The following STX2 variants were observed in gnomAD, a reference collection of about 807,000 sequenced individuals.
STX2 encodes the protein syntaxin 2.
In STX2, 27 loss-of-function variants were observed where a neutral mutation model predicts 40.6. The ratio of observed to expected loss-of-function variants is 0.66; its 90% CI spans 0.49 to 0.92. The LOEUF (loss-of-function observed/expected upper bound fraction) is 0.92. Among genes scored for constraint, STX2 ranks in the 40% least tolerant of loss-of-function variants. STX2 has a pLI of 0.00. For missense variants in STX2, 328 were observed against 366.1 expected (o/e 0.90, Z 0.85); for synonymous variants, 123 against 119.1 (o/e 1.03, Z -0.22).
In STX2 at chr12:130,821,696, C is replaced by T. The variant is rs138400487; in HGVS notation, c.198G>A (p.Pro66=). 36 of 1,613,434 alleles carry T rather than the reference C, an allele frequency of 2.2e-5. No homozygotes were observed. In the African/African-American group the frequency reaches 3.6e-4, roughly 16 times the overall value. The change falls in exon 3 of 11, where the codon CCG becomes CCA. Residue 66 remains proline (P), a synonymous_variant. Coordinates refer to ENST00000392373, the MANE Select transcript of STX2 (RefSeq NM_194356.4). ...NHSIILSAPN[P]EGKIKEELED... is the part of the protein sequence containing the mutation. Reference sequence around the variant, plus strand: ...TGAAAACCAACAACTTACTTCCTTCCGGGTTTGGTGCAGAAAGAATGATGC... The same window carrying T: ...TGAAAACCAACAACTTACTTCCTTCTGGGTTTGGTGCAGAAAGAATGATGC...
intron 4 of STX2, chr12:130,812,377 T>TGGA (rs1453849911): frequency 6.6e-6 from 3 of 454,434 alleles, no homozygotes; most frequent in African/African-American, 4.0e-5. Flanking sequence ...TGGGAGCTCA[T>TGGA]GGAGAACTGT....
chr12:130,818,402 G>C (rs1177469148), intron 3 of STX2, among the ~76,000 whole-genome samples: 1 of 151,040 alleles, frequency 6.6e-6, no homozygotes, highest in Non-Finnish European at 1.5e-5. Context: ...GGGCGGGGGA[G>C]GAAGAATCAC....
chr12:130,807,384 C>T (rs1951476409), intron 5 of STX2, among the ~76,000 whole-genome samples: 1 of 152,232 alleles, frequency 6.6e-6, no homozygotes, highest in African/African-American at 2.4e-5. Flanking sequence ...CAGATCAGCA[C>T]TGGGACCCAG....
chr12:130,826,691 A>G (rs950747999), intron 2 of STX2, among the ~76,000 whole-genome samples: 70 of 152,300 alleles, frequency 4.6e-4, no homozygotes, highest in African/African-American at 1.5e-3. Context: ...GCACAATCAT[A>G]TTGATATAAA....
At chr12:130,819,797 CG>C (rs1593168197) in intron 3 of STX2, among the ~76,000 whole-genome samples, 1 of 152,292 alleles carries the variant, frequency 6.6e-6, no homozygotes, top group Non-Finnish European at 1.5e-5. Flanking sequence ...GATTATTCTA[CG>C]GGTACTGCAA....
intron 9 of STX2, among the ~76,000 whole-genome samples, chr12:130,798,208 T>C (rs1222377900): frequency 2.0e-5 from 3 of 148,230 alleles, no homozygotes; most frequent in African/African-American, 7.5e-5. Context: ...GATCACTCCA[T>C]TGCACTCTAC....
chr12:130,827,282 GGAAAA>G lies in STX2; in HGVS notation c.31-20_31-16del. On this transcript the variant is annotated splice_polypyrimidine_tract_variant and intron_variant, in intron 1 of 10. Coordinates refer to ENST00000392373, the MANE Select transcript of STX2 (RefSeq NM_194356.4). ...TTCTTCCTACACTACAATGAAAAAT[GGAAAA>G]TTCAGTTTTTTAAAATTTTTATGTA... The G allele has an allele frequency of 6.2e-7, 1 of 1,610,072 alleles. No homozygotes were observed. The highest frequency in any genetic ancestry group is 8.5e-7 in the Non-Finnish European group (1 of 1,177,172).
chr12:130,801,041 G>A (rs893026778), intron 8 of STX2, 112 bp downstream of exon 8: 1 of 1,265,626 alleles, frequency 7.9e-7, no homozygotes, highest in Non-Finnish European at 1.1e-6. Flanking sequence ...CCTGAATTTG[G>A]TGGATCCAAA....
intron 2 of STX2, among the ~76,000 whole-genome samples, chr12:130,822,948 C>G (rs540558706): frequency 6.6e-6 from 1 of 152,348 alleles, no homozygotes; most frequent in African/African-American, 2.4e-5. Flanking sequence ...ACAGAAGCAG[C>G]AAGGTGAGCC....
chr12:130,803,682 AAAAAAAAC>A (rs1205065588), intron 6 of STX2, among the ~76,000 whole-genome samples: 1 of 127,946 alleles, frequency 7.8e-6, no homozygotes. Flanking sequence ...AAAAAAAAAA[AAAAAAAAC>A]AAACTAAAAG....
chr12:130,813,960 C>T (rs933742433), intron 3 of STX2, among the ~76,000 whole-genome samples: 5 of 152,224 alleles, frequency 3.3e-5, no homozygotes, highest in Non-Finnish European at 5.9e-5. Flanking sequence ...CCGTAGACAA[C>T]TTGGCCAAGA....
intron 10 of STX2, among the ~76,000 whole-genome samples, 171 bp from the exon 11 acceptor site, chr12:130,792,148 C>A (rs547720510): frequency 6.6e-6 from 1 of 152,314 alleles, no homozygotes; most frequent in South Asian, 2.1e-4. Context: ...GCAACCTCTG[C>A]CTTCCGGGTT....
At chr12:130,832,291 T>C (rs528828050) in intron 1 of STX2, among the ~76,000 whole-genome samples, 11 of 152,134 alleles carry the variant, frequency 7.2e-5, no homozygotes, top group South Asian at 4.2e-4. Flanking sequence ...ATACACTCCA[T>C]TATATAAACA....
In STX2 at chr12:130,791,938, C is replaced by G; in HGVS notation, c.*85G>C. ...GTTGCTAGGATAATTCCAAGGATCA[C>G]AAGCAAAACAATTACACAAATAATA... On this transcript the variant is annotated 3_prime_UTR_variant, in exon 11 of 11. Coordinates refer to ENST00000392373, the MANE Select transcript of STX2 (RefSeq NM_194356.4). 2 of 1,610,392 alleles carry G rather than the reference C, an allele frequency of 1.2e-6. No individual in the cohort carries two copies. The highest frequency in any genetic ancestry group is 1.1e-5 in the South Asian group (1 of 90,436).
Position 130,839,141 on chromosome 12 carries a change from C to A in STX2, c.-42G>T. 1 of 1,187,066 alleles carries A rather than the reference C, an allele frequency of 8.4e-7. No individual in the cohort carries two copies. The highest frequency in any genetic ancestry group is 1.0e-6 in the Non-Finnish European group (1 of 958,414). The allele number at this position is 1,187,066 out of a possible 1,614,324, so 73.5% of individuals were successfully genotyped here. ...GCGCGCCCCGCCGCTCAAGCCTGTCCCGAGCTGCCTCCGGCCGGGCCTCGG... is the reference window on the plus strand; with the variant it reads ...GCGCGCCCCGCCGCTCAAGCCTGTCACGAGCTGCCTCCGGCCGGGCCTCGG... On this transcript the variant is annotated 5_prime_UTR_variant, in exon 1 of 11. Coordinates refer to ENST00000392373, the MANE Select transcript of STX2 (RefSeq NM_194356.4).
intron 4 of STX2, 99 bp downstream of exon 4, chr12:130,812,858 A>G: frequency 1.2e-6 from 1 of 829,452 alleles, no homozygotes; most frequent in Non-Finnish European, 1.9e-6. Flanking sequence ...TCACTATTTT[A>G]ATTTTTAAAA....
chr12:130,812,579 T>A (rs992200948), intron 4 of STX2: 1 of 276,660 alleles, frequency 3.6e-6, no homozygotes, highest in South Asian at 3.3e-5. Flanking sequence ...CTGTTTTACA[T>A]GACAAAGCTA....
rs1166059893 is a variant in STX2 at position 130,799,708 on chromosome 12, G to A, written c.676-1073C>T. 2.0e-5 allele frequency among the ~76,000 whole-genome samples: 3 copies of A among 152,164 alleles called. No homozygotes were observed. In the East Asian group the frequency reaches 5.8e-4, roughly 29 times the overall value. On this transcript the variant is annotated intron_variant, in intron 8 of 10. Transcript: ENST00000392373. The stretch of plus-strand genomic sequence containing the variant: ...GCAAACCTGTGGTCCCAGCTACTCG[G>A]GAGGCTGAGGTAGGAGAACTGCTTG...
chr12:130,822,589 T>C (rs1952156578), intron 2 of STX2, among the ~76,000 whole-genome samples: 1 of 152,178 alleles, frequency 6.6e-6, no homozygotes, highest in African/African-American at 2.4e-5. Context: ...GTCATAACAT[T>C]ATCTTCAAAA....
Sources: gnomAD v4.1 joint callset for allele counts (sites outside exome capture counted in the v4.1 genomes callset) on GRCh38, gnomAD v4.1.1 for gene constraint, MANE v1.5 for transcripts, NCBI Gene and HGNC (gene_info 2026-07-23, HGNC 2026-07-21) for gene names.